GTPBP10: variants seen among roughly 807,000 people sequenced by gnomAD.
GTPBP10 encodes the protein GTP-binding protein 10.
In GTPBP10, 38 loss-of-function variants were observed where a neutral mutation model predicts 44.8. That is an observed-to-expected ratio of 0.85 (90% CI 0.65 to 1.11). GTPBP10 has a LOEUF of 1.11. Among genes scored for constraint, GTPBP10 ranks in the 50% most tolerant of loss-of-function variants. GTPBP10 has a pLI of 0.00. For synonymous variants in GTPBP10, 152 were observed against 150.6 expected (o/e 1.01, Z -0.07); for missense variants, 462 against 453.7 (o/e 1.02, Z -0.17).
chr7:90,376,707 T>C (rs1027329275), intron 6 of GTPBP10, among the ~76,000 whole-genome samples: 2 of 152,224 alleles, frequency 1.3e-5, no homozygotes, highest in South Asian at 2.1e-4. Flanking sequence ...ACCAACCTAA[T>C]ACTTTGTAAG....
chr7:90,352,743 AG>A (rs1795814485), intron 1 of GTPBP10, 72 bp from the exon 2 acceptor site: 1 of 1,165,944 alleles, frequency 8.6e-7, no homozygotes, highest in Non-Finnish European at 1.2e-6. Context: ...TTTTAGTGGA[AG>A]AAAGAACTAG....
At chr7:90,378,091 C>A in intron 7 of GTPBP10, 43 bp from the exon 8 acceptor site, 1 of 1,562,902 alleles carries the variant, frequency 6.4e-7, no homozygotes, top group South Asian at 1.1e-5. Context: ...TATAGCTATT[C>A]TTCGTATGTT....
At chr7:90,365,398 C>T (rs1195947719) in intron 4 of GTPBP10, among the ~76,000 whole-genome samples, 12 of 75,310 alleles carry the variant, frequency 1.6e-4, no homozygotes, top group East Asian at 3.9e-4. Flanking sequence ...TTTTTTGAGA[C>T]GGAGTCTCGC....
chr7:90,385,148 A>G lies in GTPBP10; in HGVS notation c.1158A>G (p.Ile386Met), dbSNP rs1261124578. 1 of 1,589,556 alleles carries G rather than the reference A, an allele frequency of 6.3e-7. No individual in the cohort carries two copies. Among genetic ancestry groups the G allele is most frequent in the South Asian group, 1.1e-5 (1 of 87,756 alleles). The change falls in exon 10 of 10, where the codon ATA (isoleucine) becomes ATG (methionine). Residue 386 changes from isoleucine (I) to methionine (M), a missense_variant. Physicochemically the swap from Ile to Met is conservative, Grantham distance 10 (BLOSUM62 1). Transcript: ENST00000222511. ...CTGTTACTACTTCCAAAATGGATAT[A>G]ATTTAAATATATTAAAAATGGTATT... ...KHAVTTSKMD[I>M]I
rs560524770 is a variant in GTPBP10, at chr7:90,366,837, T to A, written c.465-5318T>A. ...TTCTTGCCTTGTGCTAGCTCTTGAA[T>A]GTGTTTGCTCCTGGTTCTCTAGTTC... On this transcript the variant is annotated intron_variant, in intron 4 of 9. Transcript: ENST00000222511. 6.2e-4 allele frequency among the ~76,000 whole-genome samples: 95 copies of A among 152,280 alleles called. No individual in the cohort carries two copies. In the South Asian group the frequency reaches 0.017, roughly 28 times the overall value.
intron 4 of GTPBP10, among the ~76,000 whole-genome samples, chr7:90,355,709 A>G (rs1358637160): frequency 6.6e-6 from 1 of 152,030 alleles, no homozygotes; most frequent in Non-Finnish European, 1.5e-5. Flanking sequence ...AGACTTACGC[A>G]CTGTTGCCGC....
chr7:90,372,629 A>G (rs1273809494), intron 5 of GTPBP10, among the ~76,000 whole-genome samples: 1 of 151,686 alleles, frequency 6.6e-6, no homozygotes, highest in Non-Finnish European at 1.5e-5. Context: ...TTTTCCATTA[A>G]TCTTTGAAAC....
In GTPBP10 at chr7:90,386,721, A is replaced by G. The variant is rs1389808448; in HGVS notation, c.*1567A>G. 4 of 152,224 alleles carry G rather than the reference A, an allele frequency of 2.6e-5. No homozygotes were observed. Among genetic ancestry groups the G allele is most frequent in the African/African-American group, 9.6e-5 (4 of 41,462 alleles). The allele number at this position is 152,224 out of a possible 1,614,324, so 9.4% of individuals were successfully genotyped here. On this transcript the variant is annotated 3_prime_UTR_variant, in exon 10 of 10. Transcript: ENST00000222511. Reference sequence around the variant, plus strand: ...CAAACTTTAATATTATCAACAATCAATATATTATAAGAGATTGCAATTTCT... The same window carrying G: ...CAAACTTTAATATTATCAACAATCAGTATATTATAAGAGATTGCAATTTCT...
At chr7:90,347,965 G>A (rs922297541) in intron 1 of GTPBP10, among the ~76,000 whole-genome samples, 1 of 152,178 alleles carries the variant, frequency 6.6e-6, no homozygotes, top group African/African-American at 2.4e-5. Flanking sequence ...TGGTAGGTGA[G>A]CCTATTGTTC....
rs1037455680 is a variant in GTPBP10 at position 90,388,451 on chromosome 7, C to A, written c.*3297C>A. 2.6e-5 allele frequency: 3 copies of A among 116,454 alleles called. No homozygotes were observed. The highest frequency in any genetic ancestry group is 1.2e-4 in the African/African-American group (3 of 24,440). The allele number at this position is 116,454 out of a possible 1,614,324, so 7.2% of individuals were successfully genotyped here. On this transcript the variant is annotated 3_prime_UTR_variant, in exon 10 of 10. Coordinates refer to ENST00000222511, the MANE Select transcript of GTPBP10 (RefSeq NM_033107.4). ...TTTCTATAATATCAGATTTATTTAC[C>A]ATCATGAAATATGTTTATACAGTAT... is the stretch of plus-strand genomic sequence containing the variant.
chr7:90,371,227 A>G (rs1306875065), intron 4 of GTPBP10: 5 of 957,286 alleles, frequency 5.2e-6, no homozygotes, highest in East Asian at 2.3e-4. Context: ...GTCTACCTGT[A>G]TACACATTTT....
intron 4 of GTPBP10, among the ~76,000 whole-genome samples, chr7:90,364,087 C>T (rs999564719): frequency 1.3e-5 from 2 of 152,222 alleles, no homozygotes; most frequent in Admixed American, 1.3e-4. Flanking sequence ...CCAACTTCCT[C>T]CTTTAGCTCG....
chr7:90,377,570 A>G lies in GTPBP10; in HGVS notation c.655A>G (p.Lys219Glu). ...ACATATGAACAAAGGAATGGGCCAC[A>G]AATTCCTCAAGCATATAGAAAGAAC... is the stretch of plus-strand genomic sequence containing the variant. ...GAHMNKGMGH[K>E]FLKHIERTRQ... The change falls in exon 7 of 10, where the codon AAA becomes GAA. Residue 219 changes from lysine to glutamate, a missense_variant. Lys to Glu is a moderately conservative substitution (Grantham distance 56). Transcript: ENST00000222511. The G allele has an allele frequency of 6.2e-7, 1 of 1,611,742 alleles. No individual in the cohort carries two copies. The highest frequency in any genetic ancestry group is 8.5e-7 in the Non-Finnish European group (1 of 1,178,652).
At position 90,372,239 on chromosome 7, in the gene GTPBP10, T is replaced by C; in HGVS notation, c.538+11T>C. 6.5e-7 allele frequency: 1 copy of C among 1,548,814 alleles called. No homozygotes were observed. Among genetic ancestry groups the C allele is most frequent in the Non-Finnish European group, 8.9e-7 (1 of 1,126,870 alleles). On this transcript the variant is annotated intron_variant, in intron 5 of 9. Coordinates refer to ENST00000222511, the MANE Select transcript of GTPBP10 (RefSeq NM_033107.4). ...TTGCAGATTACGCATGTAAGTGTAA[T>C]TTGATTGTACATTTTAATGAGTGGA...
intron 4 of GTPBP10, 147 bp from the exon 5 acceptor site, chr7:90,372,008 G>A (rs2115724589): frequency 3.9e-6 from 2 of 518,846 alleles, no homozygotes. Flanking sequence ...TTATGTAAGT[G>A]TATGTTCTCA....
chr7:90,356,811 T>C (rs1183400917), intron 4 of GTPBP10, among the ~76,000 whole-genome samples: 1 of 152,210 alleles, frequency 6.6e-6, no homozygotes, highest in African/African-American at 2.4e-5. Flanking sequence ...TTCAATGAAT[T>C]GTAGCTGCTA....
chr7:90,378,377 C>A, intron 8 of GTPBP10, 166 bp downstream of exon 8: 1 of 533,384 alleles, frequency 1.9e-6, no homozygotes, highest in Non-Finnish European at 2.4e-6. Flanking sequence ...CATTCATTTG[C>A]TCCTCAAACT....
At chr7:90,354,396 ATGTGTGTGTG>A in intron 2 of GTPBP10, 52 bp from the exon 3 acceptor site, 1 of 670,000 alleles carries the variant, frequency 1.5e-6, no homozygotes, top group Middle Eastern at 3.8e-4. Context: ...TTTTGTGTGT[ATGTGTGTGTG>A]TGTATATATA....
chr7:90,386,488 A>G lies in GTPBP10; in HGVS notation c.*1334A>G, dbSNP rs2115798070. 6.6e-6 allele frequency: 1 copy of G among 152,202 alleles called. No homozygotes were observed. The highest frequency in any genetic ancestry group is 6.5e-5 in the Admixed American group (1 of 15,294). 9.4% of individuals were successfully genotyped at this position (152,202 alleles called of 1,614,324 possible). A position where few individuals can be genotyped will look rare whatever the true frequency, so the allele number is the denominator to read the frequency against. Reference sequence around the variant, plus strand: ...CTAGTCTATTTCACTTTCTTTTGTCATAATCTATTTAATTTCCCACTTTCT... The same window carrying G: ...CTAGTCTATTTCACTTTCTTTTGTCGTAATCTATTTAATTTCCCACTTTCT... On this transcript the variant is annotated 3_prime_UTR_variant, in exon 10 of 10. Transcript: ENST00000222511.
Sources: gnomAD v4.1 joint callset for allele counts (sites outside exome capture counted in the v4.1 genomes callset) on GRCh38, gnomAD v4.1.1 for gene constraint, MANE v1.5 for transcripts, NCBI Gene and HGNC (gene_info 2026-07-23, HGNC 2026-07-21) for gene names.